The following UBE4B variants were observed in gnomAD, a reference collection of about 807,000 sequenced individuals.
UBE4B encodes ubiquitin conjugation factor E4 B.
A neutral mutation model predicts 148.1 loss-of-function variants in UBE4B; 27 were observed. That is an observed-to-expected ratio of 0.18 (90% CI 0.13 to 0.25). UBE4B has a LOEUF of 0.25. Among genes scored for constraint, UBE4B ranks in the 10% least tolerant of loss-of-function variants. The probability of loss-of-function intolerance (pLI) is 1.00; values close to 1 mark genes in which losing one functional copy is unlikely to be tolerated. For synonymous variants in UBE4B, 596 were observed against 619.3 expected (o/e 0.96, Z 0.56); for missense variants, 1,170 against 1,662.4 (o/e 0.70, Z 5.15).
At chr1:10,110,098 T>C (rs1645193760) in intron 7 of UBE4B, among the ~76,000 whole-genome samples, 1 of 152,202 alleles carries the variant, frequency 6.6e-6, no homozygotes, top group Non-Finnish European at 1.5e-5. Flanking sequence ...AAGTAAGCAA[T>C]TTTAACACTC....
chr1:10,073,369 A>G (rs1244584568), intron 2 of UBE4B, among the ~76,000 whole-genome samples: 2 of 152,192 alleles, frequency 1.3e-5, no homozygotes, highest in African/African-American at 2.4e-5. Context: ...AGGCTATAGA[A>G]AAACTCAGAA....
At chr1:10,130,926 A>G in intron 14 of UBE4B, 113 bp downstream of exon 14, 2 of 853,026 alleles carry the variant, frequency 2.3e-6, no homozygotes, top group Non-Finnish European at 3.8e-6. Context: ...ACAAAAGCCA[A>G]TTCGATCTTA....
intron 7 of UBE4B, among the ~76,000 whole-genome samples, chr1:10,114,957 A>G (rs1645283088): frequency 1.3e-5 from 2 of 152,102 alleles, no homozygotes; most frequent in South Asian, 2.1e-4. Context: ...AGGGCTTTGT[A>G]GGTGGCTTAG....
At chr1:10,082,927 T>C (rs1644708257) in intron 2 of UBE4B, among the ~76,000 whole-genome samples, 1 of 151,994 alleles carries the variant, frequency 6.6e-6, no homozygotes, top group Admixed American at 6.6e-5. Context: ...TCTGTTTCTG[T>C]GTTAGTTTAC....
chr1:10,057,090 G>A (rs1460481031), intron 1 of UBE4B, among the ~76,000 whole-genome samples: 1 of 151,994 alleles, frequency 6.6e-6, no homozygotes, highest in Admixed American at 6.6e-5. Flanking sequence ...GGGATTACAG[G>A]TGTGAGCCAC....
chr1:10,120,851 TACTA>T (rs1477408060), intron 9 of UBE4B, among the ~76,000 whole-genome samples: 3 of 151,748 alleles, frequency 2.0e-5, no homozygotes, highest in South Asian at 2.1e-4. Flanking sequence ...ATAATAATAA[TACTA>T]AATAAATAAA....
chr1:10,114,172 T>C (rs1645268581), intron 7 of UBE4B, among the ~76,000 whole-genome samples: 1 of 152,192 alleles, frequency 6.6e-6, no homozygotes, highest in African/African-American at 2.4e-5. Context: ...CATATTTTCA[T>C]TTTAAACATG....
chr1:10,040,890 G>A (rs1477153746), intron 1 of UBE4B, among the ~76,000 whole-genome samples: 1 of 152,164 alleles, frequency 6.6e-6, no homozygotes. Context: ...AAAGTGCTGG[G>A]ATTACCGGCG....
chr1:10,116,610 G>A (rs1377181287), intron 7 of UBE4B, among the ~76,000 whole-genome samples: 7 of 152,066 alleles, frequency 4.6e-5, no homozygotes, highest in Admixed American at 4.6e-4. Context: ...TTGTTATGTG[G>A]CCTGTCAATG....
intron 23 of UBE4B, among the ~76,000 whole-genome samples, chr1:10,162,818 T>C (rs1646187068): frequency 6.6e-6 from 1 of 152,074 alleles, no homozygotes; most frequent in South Asian, 2.1e-4. Context: ...GTGTCTGTTA[T>C]TCCCGTCTCC....
intron 2 of UBE4B, among the ~76,000 whole-genome samples, chr1:10,086,076 A>C (rs1262912264): frequency 6.6e-6 from 1 of 151,942 alleles, no homozygotes; most frequent in African/African-American, 2.4e-5. Context: ...GGTTCACGCC[A>C]TTCTCCTGCT....
At chr1:10,152,531 C>T (rs139028862) in intron 21 of UBE4B, among the ~76,000 whole-genome samples, 2,658 of 152,050 alleles carry the variant, frequency 0.017, 34 homozygotes, top group Non-Finnish European at 0.027. Flanking sequence ...GGTGCGGTGG[C>T]TCATACCTGT....
chr1:10,129,563 C>T (rs184564921), intron 12 of UBE4B, 115 bp downstream of exon 12: 147 of 985,172 alleles, frequency 1.5e-4, no homozygotes, highest in Admixed American at 6.2e-4. Context: ...TAGGTGTAGG[C>T]GGAGGTAACG....
At chr1:10,049,024 CA>C (rs1159210406) in intron 1 of UBE4B, among the ~76,000 whole-genome samples, 4 of 152,118 alleles carry the variant, frequency 2.6e-5, no homozygotes, top group African/African-American at 9.7e-5. Flanking sequence ...TCATTCCTAG[CA>C]TGAGGTTTTG....
chr1:10,117,658 C>G lies in UBE4B; in HGVS notation c.1338+58C>G, dbSNP rs572713895. On this transcript the variant is annotated intron_variant, in intron 8 of 27. Coordinates refer to ENST00000343090, the MANE Select transcript of UBE4B (RefSeq NM_001105562.3). Reference sequence around the variant, plus strand: ...AAGCCTAGTTATTTGTTTGATTATCCCCACCCCTGGAGCATTCATTGATTT... The same window carrying G: ...AAGCCTAGTTATTTGTTTGATTATCGCCACCCCTGGAGCATTCATTGATTT... 1.9e-5 allele frequency: 29 copies of G among 1,506,642 alleles called. No individual in the cohort carries two copies. In the African/African-American group the frequency reaches 2.1e-4, roughly 11 times the overall value. The allele number at this position is 1,506,642 out of a possible 1,614,324, so 93.3% of individuals were successfully genotyped here. A position where few individuals can be genotyped will look rare whatever the true frequency, so the allele number is the denominator to read the frequency against.
Position 10,130,606 on chromosome 1 carries a change from C to A in UBE4B, c.1802C>A (p.Ala601Glu). Reference protein sequence around the residue: ...LGAFFSFSVFAEDDVKVVEKY... With the variant: ...LGAFFSFSVFEEDDVKVVEKY... ...GCTTTCTTTAGCTTCTCAGTCTTTG[C>A]AGAAGATGATGTAAGTATAGTGGCT... Residue 601 changes from alanine (A) to glutamate (E), a missense_variant, in exon 13 of 28, where the codon GCA becomes GAA. Physicochemically the swap from Ala to Glu is moderately radical, Grantham distance 107 (BLOSUM62 -1). This residue lies in a region of UBE4B where 388 missense variants were observed against 536.0 expected (regional missense o/e 0.72). Coordinates refer to ENST00000343090, the MANE Select transcript of UBE4B (RefSeq NM_001105562.3). The A allele has an allele frequency of 6.2e-7, 1 of 1,614,084 alleles. No individual in the cohort carries two copies. Among genetic ancestry groups the A allele is most frequent in the Non-Finnish European group, 8.5e-7 (1 of 1,179,958 alleles).
chr1:10,125,808 C>A (rs977610058), intron 10 of UBE4B, among the ~76,000 whole-genome samples: 2 of 152,160 alleles, frequency 1.3e-5, no homozygotes, highest in African/African-American at 4.8e-5. Flanking sequence ...ATTTGAGTTC[C>A]TTTAAGTGCC....
intron 23 of UBE4B, among the ~76,000 whole-genome samples, chr1:10,164,375 A>G (rs1049314740): frequency 3.3e-5 from 5 of 151,722 alleles, no homozygotes; most frequent in African/African-American, 1.2e-4. Context: ...AGAAAGAAAG[A>G]GTCTTGCTCT....
At chr1:10,079,427 T>A (rs887274670) in intron 2 of UBE4B, among the ~76,000 whole-genome samples, 66 of 152,346 alleles carry the variant, frequency 4.3e-4, no homozygotes, top group African/African-American at 1.6e-3. Flanking sequence ...CCCAAAGTGC[T>A]GGGATTACAG....
Sources: allele counts gnomAD v4.1 joint callset (sites outside exome capture counted in the v4.1 genomes callset), GRCh38; gene constraint gnomAD v4.1.1; regional missense constraint gnomAD v4.1.1; transcripts MANE v1.5; gene names NCBI Gene and HGNC (gene_info 2026-07-23, HGNC 2026-07-21).